SLC12A2: variants seen among roughly 807,000 people sequenced by gnomAD.
The protein encoded by SLC12A2 is Na-K-2Cl cotransporter 1.
Under a neutral mutation model 136.3 loss-of-function variants are expected in SLC12A2, and 67 were observed. The ratio of observed to expected loss-of-function variants is 0.49; its 90% CI spans 0.40 to 0.60. The LOEUF (loss-of-function observed/expected upper bound fraction) is 0.60. Among genes scored for constraint, SLC12A2 ranks in the 20% least tolerant of loss-of-function variants. The probability of loss-of-function intolerance (pLI) is 0.00; values close to 1 mark genes in which losing one functional copy is unlikely to be tolerated. For synonymous variants in SLC12A2, 619 were observed against 562.9 expected (o/e 1.10, Z -1.41); for missense variants, 1,322 against 1,534.7 (o/e 0.86, Z 2.32).
At chr5:128,086,103 C>T (rs1360554729) in intron 1 of SLC12A2, among the ~76,000 whole-genome samples, 2 of 152,024 alleles carry the variant, frequency 1.3e-5, no homozygotes, top group Admixed American at 6.5e-5. Context: ...AAATATTATA[C>T]AGATATATTT....
intron 4 of SLC12A2, among the ~76,000 whole-genome samples, chr5:128,120,078 C>T (rs1458985159): frequency 6.6e-6 from 1 of 152,000 alleles, no homozygotes; most frequent in Non-Finnish European, 1.5e-5. Context: ...CAAAAGAAGA[C>T]ATTTATGCAG....
intron 10 of SLC12A2, among the ~76,000 whole-genome samples, chr5:128,145,881 G>A (rs995733990): frequency 6.6e-6 from 1 of 151,970 alleles, no homozygotes; most frequent in Non-Finnish European, 1.5e-5. Flanking sequence ...CAATATAAAT[G>A]AAAGATAAAA....
At chr5:128,109,618 T>A in intron 1 of SLC12A2, 1 of 763,652 alleles carries the variant, frequency 1.3e-6, no homozygotes, top group Admixed American at 1.8e-5. Context: ...TCGTCCTTCC[T>A]ACCCAGTATT....
chr5:128,187,740 G>C lies in SLC12A2; in HGVS notation c.*1109G>C, dbSNP rs887836964. The C allele has an allele frequency of 5.9e-5, 9 of 152,488 alleles. No homozygotes were observed. Among genetic ancestry groups the C allele is most frequent in the African/African-American group, 2.2e-4 (9 of 41,404 alleles). 9.4% of individuals were successfully genotyped at this position (152,488 alleles called of 1,614,324 possible). On this transcript the variant is annotated 3_prime_UTR_variant, in exon 27 of 27. Transcript: ENST00000262461. ...CACTCAGGTTTGAACAGATTATTCT[G>C]AATATTAAAATTTAATCCATTCTTA...
At chr5:128,170,994 G>T (rs1021612353) in intron 18 of SLC12A2, 9 of 152,320 alleles carry the variant, frequency 5.9e-5, no homozygotes, top group African/African-American at 2.2e-4. Flanking sequence ...TACTCGGGAG[G>T]CTGAGGCAGG....
At chr5:128,160,673 T>C (rs1359359957) in intron 16 of SLC12A2, among the ~76,000 whole-genome samples, 2 of 152,202 alleles carry the variant, frequency 1.3e-5, no homozygotes, top group Non-Finnish European at 2.9e-5. Flanking sequence ...ACAGACTGGA[T>C]GATGGCTTAC....
At position 128,084,637 on chromosome 5, in the gene SLC12A2, G is replaced by A. The variant is rs1269145898; in HGVS notation, c.683G>A (p.Arg228Gln). Residue 228 changes from arginine (R) to glutamine (Q), a missense_variant, in exon 1 of 27, where the codon CGG (arginine) becomes CAG (glutamine). By Grantham distance (43) the Arg-to-Gln change is conservative. This residue lies in a region of SLC12A2 where 32 missense variants were observed against 63.6 expected (regional missense o/e 0.50). Transcript: ENST00000262461. This position sits in a 1 kb window ranked among gnomAD's most constrained non-coding sequence, Gnocchi z 5.6. ...GCTGTGCCCAGGATCGATCACTACC[G>A]GCACACAGCCGCGCAGCTGGGCGAG... The part of the protein sequence containing the change: ...MDAVPRIDHY[R>Q]HTAAQLGEKL... The A allele has an allele frequency of 1.2e-6, 2 of 1,613,138 alleles. No homozygotes were observed. Among genetic ancestry groups the A allele is most frequent in the African/African-American group, 1.3e-5 (1 of 74,900 alleles).
At position 128,178,658 on chromosome 5, in the gene SLC12A2, T is replaced by C; in HGVS notation, c.3069T>C (p.Thr1023=). ...TTCAGAAAAAACAAGGAAAGAATAC[T>C]ATTGATGTCTGGTGGCTTTTTGATG... ...TQFQKKQGKN[T]IDVWWLFDDG... is the part of the protein sequence containing the mutation. Residue 1023 remains threonine, a synonymous_variant, in exon 22 of 27, where the codon ACT becomes ACC. Coordinates refer to ENST00000262461, the MANE Select transcript of SLC12A2 (RefSeq NM_001046.3). 1 of 1,585,504 alleles carries C rather than the reference T, an allele frequency of 6.3e-7. No individual in the cohort carries two copies. Among genetic ancestry groups the C allele is most frequent in the Non-Finnish European group, 8.6e-7 (1 of 1,168,864 alleles).
chr5:128,143,914 ATTAT>A (rs944980202), intron 10 of SLC12A2, among the ~76,000 whole-genome samples: 8 of 147,736 alleles, frequency 5.4e-5, no homozygotes, highest in South Asian at 2.1e-4. Context: ...TTATAATAAA[ATTAT>A]TTATTATAAA....
At chr5:128,144,515 A>G (rs1168990972) in intron 10 of SLC12A2, among the ~76,000 whole-genome samples, 6 of 152,174 alleles carry the variant, frequency 3.9e-5, no homozygotes, top group African/African-American at 1.4e-4. Flanking sequence ...AATTGTGTAT[A>G]TAGTCTTATA....
intron 3 of SLC12A2, 28 bp downstream of exon 3, chr5:128,114,315 T>G: frequency 6.5e-7 from 1 of 1,543,058 alleles, no homozygotes; most frequent in Non-Finnish European, 8.9e-7. Context: ...CTGCTTGATT[T>G]GAGAATAAGC....
intron 1 of SLC12A2, among the ~76,000 whole-genome samples, chr5:128,094,617 T>A (rs568688634): frequency 2.6e-4 from 39 of 152,200 alleles, no homozygotes; most frequent in African/African-American, 9.4e-4. Context: ...AGAAAAGATT[T>A]AGGCTGCAGA....
chr5:128,091,691 T>G (rs1448925701), intron 1 of SLC12A2, among the ~76,000 whole-genome samples: 1 of 152,134 alleles, frequency 6.6e-6, no homozygotes, highest in Non-Finnish European at 1.5e-5. Flanking sequence ...TATGAAAAAC[T>G]TGGAGCTGGT....
rs1198185068 is a variant in SLC12A2, at chr5:128,188,891, C to G, written c.*2260C>G. 1 of 149,432 alleles carries G rather than the reference C, an allele frequency of 6.7e-6. No homozygotes were observed. Among genetic ancestry groups the G allele is most frequent in the Non-Finnish European group, 1.5e-5 (1 of 67,538 alleles). 9.3% of individuals were successfully genotyped at this position (149,432 alleles called of 1,614,324 possible). A position where few individuals can be genotyped will look rare whatever the true frequency, so the allele number is the denominator to read the frequency against. On this transcript the variant is annotated 3_prime_UTR_variant, in exon 27 of 27. Transcript: ENST00000262461. ...ATAATAGGGCATGGACTGAGTGCTG[C>G]TATCTTGAAATGTGCACAGGTACAC...
At chr5:128,116,010 A>G (rs1253523476) in intron 4 of SLC12A2, among the ~76,000 whole-genome samples, 3 of 152,182 alleles carry the variant, frequency 2.0e-5, no homozygotes, top group Non-Finnish European at 4.4e-5. Context: ...TACAGTGTGG[A>G]TATGTTCAGC....
intron 9 of SLC12A2, 62 bp downstream of exon 9, chr5:128,138,970 CTTATTT>C: frequency 9.1e-7 from 1 of 1,101,840 alleles, no homozygotes; most frequent in Non-Finnish European, 1.4e-6. Flanking sequence ...ACTATAAATA[CTTATTT>C]TTATGACATT....
Position 128,114,771 on chromosome 5 carries a change from TGAAGCAAC to T in SLC12A2, c.1048+91_1048+98del, listed in dbSNP as rs1217015351. ...ATTTTTAATTATTTTTTACTTTAACTGAAGCAACATATTAAGTCTATATAGACAAGAAA... is the reference window on the plus strand; with the variant it reads ...ATTTTTAATTATTTTTTACTTTAACTATATTAAGTCTATATAGACAAGAAA... On this transcript the variant is annotated intron_variant, in intron 4 of 26. Coordinates refer to ENST00000262461, the MANE Select transcript of SLC12A2 (RefSeq NM_001046.3). The T allele has an allele frequency of 3.8e-6, 3 of 794,630 alleles. No individual in the cohort carries two copies. The African/African-American group carries it at 5.2e-5, about 14-fold the overall frequency. 49.2% of individuals were successfully genotyped at this position (794,630 alleles called of 1,614,324 possible). A position where few individuals can be genotyped will look rare whatever the true frequency, so the allele number is the denominator to read the frequency against.
chr5:128,147,833 A>G (rs1762578395), intron 11 of SLC12A2, 104 bp downstream of exon 11: 3 of 612,200 alleles, frequency 4.9e-6, no homozygotes, highest in South Asian at 2.1e-5. Flanking sequence ...TATCAACCAT[A>G]TATACATATA....
At chr5:128,107,442 A>G (rs1036588575) in intron 1 of SLC12A2, among the ~76,000 whole-genome samples, 2 of 150,118 alleles carry the variant, frequency 1.3e-5, no homozygotes, top group African/African-American at 4.9e-5. Context: ...TCCCTCCCCT[A>G]CCCCTCCCTG....
Sources: gnomAD v4.1 joint callset for allele counts (sites outside exome capture counted in the v4.1 genomes callset) on GRCh38, gnomAD v4.1.1 for gene constraint, gnomAD v4.1.1 regional missense constraint, Gnocchi (gnomAD v3.1) non-coding constraint, MANE v1.5 for transcripts, NCBI Gene and HGNC (gene_info 2026-07-23, HGNC 2026-07-21) for gene names.